The following NFATC3 variants were observed in gnomAD, a reference collection of about 807,000 sequenced individuals.
NFATC3 encodes nuclear factor of activated T cells 3, also known as nuclear factor of activated T-cells, cytoplasmic 3.
A neutral mutation model predicts 98.6 loss-of-function variants in NFATC3; 46 were observed. The ratio of observed to expected loss-of-function variants is 0.47; its 90% confidence interval spans 0.37 to 0.60. The LOEUF is 0.60. Among genes scored for constraint, NFATC3 ranks in the 20% least tolerant of loss-of-function variants. The pLI is 0.00. For missense variants in NFATC3, 1,256 were observed against 1,295.5 expected (o/e 0.97, Z 0.47); for synonymous variants, 512 against 472.2 (o/e 1.08, Z -1.09).
chr16:68,202,825 T>C (rs1354362900), intron 9 of NFATC3, among the ~76,000 whole-genome samples: 19 of 150,408 alleles, frequency 1.3e-4, no homozygotes, highest in Admixed American at 3.3e-4. Context: ...AATAAATAAA[T>C]AAATAATAAA....
At chr16:68,204,656 A>G (rs560886752) in intron 9 of NFATC3, among the ~76,000 whole-genome samples, 1 of 152,220 alleles carries the variant, frequency 6.6e-6, no homozygotes, top group African/African-American at 2.4e-5. Flanking sequence ...TTGATTACTT[A>G]TATAATCTCG....
rs143094419 is a variant in NFATC3 at position 68,220,258 on chromosome 16, T to G, written c.3107-6092T>G. Among the ~76,000 whole-genome samples the G allele has an allele frequency of 3.0e-4, 46 of 152,308 alleles. No individual in the cohort carries two copies. In the East Asian group the frequency reaches 7.7e-3, roughly 26 times the overall value. ...GAAAATGAGGGCTGGGTGCGGTGAC[T>G]CACGCCTGTAATCCCAGCATTTTGA... is the stretch of plus-strand genomic sequence containing the variant. On this transcript the variant is annotated intron_variant, in intron 9 of 9. Coordinates refer to ENST00000346183, the MANE Select transcript of NFATC3 (RefSeq NM_173165.3).
chr16:68,195,874 A>G (rs887172505), intron 9 of NFATC3, among the ~76,000 whole-genome samples: 1 of 152,130 alleles, frequency 6.6e-6, no homozygotes, highest in African/African-American at 2.4e-5. Flanking sequence ...TTTTTTTGTG[A>G]TGGTAGTCTC....
At chr16:68,116,141 T>G (rs1389010030) in intron 1 of NFATC3, among the ~76,000 whole-genome samples, 2 of 152,160 alleles carry the variant, frequency 1.3e-5, no homozygotes, top group Non-Finnish European at 2.9e-5. Flanking sequence ...CAGTAAAACG[T>G]TATTTATGGA....
At chr16:68,163,342 G>A (rs537011977) in intron 4 of NFATC3, among the ~76,000 whole-genome samples, 6,764 of 148,150 alleles carry the variant, frequency 0.046, 498 homozygotes, top group African/African-American at 0.15. Context: ...CACCTCCCGG[G>A]CGGGGCGGCT....
chr16:68,119,870 A>C (rs1488537018), intron 1 of NFATC3, among the ~76,000 whole-genome samples: 1 of 152,158 alleles, frequency 6.6e-6, no homozygotes, highest in Non-Finnish European at 1.5e-5. Flanking sequence ...GTTGCTAAAA[A>C]ATTTTTTTGT....
intron 4 of NFATC3, among the ~76,000 whole-genome samples, chr16:68,163,505 A>T (rs543396061): frequency 6.9e-4 from 100 of 144,696 alleles, no homozygotes; most frequent in Non-Finnish European, 1.4e-3. Flanking sequence ...TGACCCCCCC[A>T]CTTCCCTCCC....
At chr16:68,085,878 C>T (rs1567488763) in intron 1 of NFATC3, 94 bp downstream of exon 1, 13 of 982,100 alleles carry the variant, frequency 1.3e-5, no homozygotes, top group Non-Finnish European at 8.4e-6. Flanking sequence ...GACCGGAGAC[C>T]GATAACCCTG....
At chr16:68,130,119 C>G (rs2151516699) in intron 3 of NFATC3, among the ~76,000 whole-genome samples, 1 of 152,266 alleles carries the variant, frequency 6.6e-6, no homozygotes, top group South Asian at 2.1e-4. Flanking sequence ...AACATAGGAG[C>G]ACAAATATCT....
rs1221046176 is a variant in NFATC3 at position 68,138,708 on chromosome 16, AAGT to A, written c.1401+12102_1401+12104del. On this transcript the variant is annotated intron_variant, in intron 3 of 9. Transcript: ENST00000346183. ...TACTTACATGCAGAAGTACTGGGAAAAGTAGTCCCTGGCTGGGCAGCCTTTCCT... is the reference window on the plus strand; with the variant it reads ...TACTTACATGCAGAAGTACTGGGAAAAGTCCCTGGCTGGGCAGCCTTTCCT... 3.9e-6 allele frequency: 5 copies of A among 1,288,476 alleles called. No individual in the cohort carries two copies. In the African/African-American group the frequency reaches 7.6e-5, roughly 20 times the overall value. 79.8% of individuals were successfully genotyped at this position (1,288,476 alleles called of 1,614,324 possible).
chr16:68,133,198 G>T lies in NFATC3; in HGVS notation c.1401+6588G>T, dbSNP rs2037206221. ...GGAGAATCACATGAACCCGTGGGTG[G>T]AGGTTGCAGTGAGCTGAGATTGCGC... On this transcript the variant is annotated intron_variant, in intron 3 of 9. Transcript: ENST00000346183. Among the ~76,000 whole-genome samples the T allele has an allele frequency of 2.0e-5, 3 of 152,302 alleles. No individual in the cohort carries two copies. The South Asian group carries it at 6.2e-4, about 32-fold the overall frequency.
At chr16:68,222,542 ATATT>A (rs2041911808) in intron 9 of NFATC3, among the ~76,000 whole-genome samples, 1 of 152,166 alleles carries the variant, frequency 6.6e-6, no homozygotes, top group South Asian at 2.1e-4. Flanking sequence ...GCTTGCTTAT[ATATT>A]TGGCTTTTTG....
At chr16:68,127,472 A>G (rs2036897599) in intron 3 of NFATC3, among the ~76,000 whole-genome samples, 1 of 152,096 alleles carries the variant, frequency 6.6e-6, no homozygotes, top group Non-Finnish European at 1.5e-5. Flanking sequence ...GGATCACTTG[A>G]GCCCAGGAAT....
chr16:68,196,894 G>A (rs1012947935), intron 9 of NFATC3, among the ~76,000 whole-genome samples: 1 of 151,958 alleles, frequency 6.6e-6, no homozygotes, highest in Non-Finnish European at 1.5e-5. Context: ...GCCTGGTGTG[G>A]TGGCGCATCC....
At chr16:68,173,973 AC>A (rs1322730256) in intron 5 of NFATC3, among the ~76,000 whole-genome samples, 1 of 151,972 alleles carries the variant, frequency 6.6e-6, no homozygotes, top group African/African-American at 2.4e-5. Flanking sequence ...ACAAAGTGAG[AC>A]CATGTTGCTA....
At chr16:68,196,267 G>A (rs2040665221) in intron 9 of NFATC3, among the ~76,000 whole-genome samples, 1 of 151,990 alleles carries the variant, frequency 6.6e-6, no homozygotes, top group South Asian at 2.1e-4. Context: ...CTACAGGCGT[G>A]TACCACCACG....
chr16:68,094,716 T>G (rs1264911476), intron 1 of NFATC3, among the ~76,000 whole-genome samples: 1 of 152,230 alleles, frequency 6.6e-6, no homozygotes, highest in Non-Finnish European at 1.5e-5. Context: ...GTTTTAGCAC[T>G]TCTGTTGACT....
At chr16:68,152,929 A>G (rs2038414760) in intron 3 of NFATC3, among the ~76,000 whole-genome samples, 1 of 152,210 alleles carries the variant, frequency 6.6e-6, no homozygotes, top group Admixed American at 6.5e-5. Flanking sequence ...AGGGCAGTAT[A>G]AATCACAGTG....
intron 8 of NFATC3, 126 bp downstream of exon 8, chr16:68,183,492 C>T (rs2040031059): frequency 1.0e-6 from 1 of 972,750 alleles, no homozygotes; most frequent in East Asian, 2.8e-5. Context: ...CCAACAGATG[C>T]CCACTCTAAA....
Sources: gnomAD v4.1 joint callset for allele counts (sites outside exome capture counted in the v4.1 genomes callset) on GRCh38, gnomAD v4.1.1 for gene constraint, MANE v1.5 for transcripts, NCBI Gene and HGNC (gene_info 2026-07-23, HGNC 2026-07-21) for gene names.